ADAD1: variants seen among roughly 807,000 people sequenced by gnomAD.
The protein encoded by ADAD1 is adenosine deaminase domain-containing protein 1.
ADAD1 carries 46 observed loss-of-function variants against 66.8 expected under a neutral mutation model. That is an observed-to-expected ratio of 0.69 (90% CI 0.54 to 0.88). The LOEUF (loss-of-function observed/expected upper bound fraction) is 0.88. Among genes scored for constraint, ADAD1 ranks in the 40% least tolerant of loss-of-function variants. ADAD1 has a pLI of 0.00. For synonymous variants in ADAD1, 248 were observed against 229.4 expected (o/e 1.08, Z -0.73); for missense variants, 617 against 681.8 (o/e 0.91, Z 1.06).
At position 122,393,611 on chromosome 4, in the gene ADAD1, A is replaced by T. The variant is rs768759198; in HGVS notation, c.552A>T (p.Glu184Asp). ...ETSGPPPFPA[E>D]PVVLSELAYV... ...CAGGTCCTCCTCCTTTCCCTGCAGA[A>T]CCTGTTGTTTTATCTGAACTAGCAT... Residue 184 changes from glutamate to aspartate, a missense_variant, in exon 6 of 13, where the codon GAA becomes GAT. Physicochemically the swap from Glu to Asp is conservative, Grantham distance 45. Transcript: ENST00000296513. 4 of 1,601,128 alleles carry T rather than the reference A, an allele frequency of 2.5e-6. No homozygotes were observed. The highest frequency in any genetic ancestry group is 3.4e-6 in the Non-Finnish European group (4 of 1,175,112).
intron 11 of ADAD1, among the ~76,000 whole-genome samples, chr4:122,421,009 A>G (rs1796977482): frequency 6.6e-6 from 1 of 152,216 alleles, no homozygotes; most frequent in African/African-American, 2.4e-5. Flanking sequence ...TTTGCTTCAT[A>G]CAATAGAAAT....
Position 122,380,892 on chromosome 4 carries a change from T to C in ADAD1, c.173-100T>C, listed in dbSNP as rs890535589. 4.7e-6 allele frequency: 5 copies of C among 1,069,978 alleles called. No homozygotes were observed. In the East Asian group the frequency reaches 1.1e-4, roughly 23 times the overall value. The allele number at this position is 1,069,978 out of a possible 1,614,324, so 66.3% of individuals were successfully genotyped here. ...CTTAAGAAAAACATATGATGAAGTG[T>C]ATCTGGGACAACCTTCCATTTCGGG... On this transcript the variant is annotated intron_variant, in intron 3 of 12. Transcript: ENST00000296513.
At position 122,388,377 on chromosome 4, in the gene ADAD1, T is replaced by G. The variant is rs556651914; in HGVS notation, c.529+4411T>G. Among the ~76,000 whole-genome samples, 9 of 152,340 alleles carry G rather than the reference T, an allele frequency of 5.9e-5. No homozygotes were observed. In the East Asian group the frequency reaches 1.7e-3, roughly 29 times the overall value. ...GTTTTAGTATCAGGATGATGCTGGC[T>G]TCATAAAATGAGTTAGGGAGGAGTC... On this transcript the variant is annotated intron_variant, in intron 5 of 12. Transcript: ENST00000296513.
intron 7 of ADAD1, among the ~76,000 whole-genome samples, chr4:122,404,605 A>G (rs62321745): frequency 0.049 from 7,480 of 152,064 alleles, 259 homozygotes; most frequent in Non-Finnish European, 0.074. Context: ...TTTTCCTGGT[A>G]TGTTCCTGCA....
At chr4:122,388,903 C>A (rs372562009) in intron 5 of ADAD1, among the ~76,000 whole-genome samples, 1 of 152,044 alleles carries the variant, frequency 6.6e-6, no homozygotes, top group Non-Finnish European at 1.5e-5. Flanking sequence ...TTCTTGTCTT[C>A]TGCTAGCTTT....
At chr4:122,395,128 G>C (rs1233243402) in intron 6 of ADAD1, among the ~76,000 whole-genome samples, 1 of 151,982 alleles carries the variant, frequency 6.6e-6, no homozygotes, top group Non-Finnish European at 1.5e-5. Context: ...TCAGCTCACT[G>C]CAACCTCTGC....
intron 12 of ADAD1, among the ~76,000 whole-genome samples, chr4:122,427,523 C>CTTTTTTT (rs59864757): frequency 8.3e-5 from 6 of 71,980 alleles, no homozygotes; most frequent in Non-Finnish European, 1.2e-4. Flanking sequence ...ATCCAAAGGC[C>CTTTTTTT]TTTTTTTTTT....
At chr4:122,429,491 AT>A in intron 12 of ADAD1, 134 bp from the exon 13 acceptor site, 1 of 550,958 alleles carries the variant, frequency 1.8e-6, no homozygotes, top group South Asian at 3.2e-5. Context: ...AGCTTCAAAA[AT>A]ATTAAAATAT....
chr4:122,416,648 A>C (rs1796748635), intron 11 of ADAD1, among the ~76,000 whole-genome samples: 1 of 151,954 alleles, frequency 6.6e-6, no homozygotes, highest in African/African-American at 2.4e-5. Flanking sequence ...CAGGAGGATC[A>C]CTTGAACCTA....
intron 5 of ADAD1, among the ~76,000 whole-genome samples, chr4:122,385,973 C>T (rs1280732229): frequency 2.6e-5 from 4 of 152,012 alleles, no homozygotes; most frequent in African/African-American, 7.2e-5. Context: ...TCCATGTCTT[C>T]GCTATTGTAA....
chr4:122,408,563 A>T (rs1796325468), intron 8 of ADAD1, among the ~76,000 whole-genome samples: 1 of 152,126 alleles, frequency 6.6e-6, no homozygotes. Context: ...GGGGTGAGCC[A>T]CCGCACCCGG....
intron 4 of ADAD1, 86 bp downstream of exon 4, chr4:122,381,266 T>A (rs536658295): frequency 7.6e-7 from 1 of 1,315,614 alleles, no homozygotes; most frequent in Non-Finnish European, 1.0e-6. Context: ...TCTTCTAATA[T>A]TGGAGTTAGG....
chr4:122,413,058 G>A (rs1796540781), intron 10 of ADAD1, among the ~76,000 whole-genome samples: 1 of 152,044 alleles, frequency 6.6e-6, no homozygotes, highest in African/African-American at 2.4e-5. Flanking sequence ...CCGTCCAGCT[G>A]GATAAGGAAA....
In ADAD1 at chr4:122,423,416, G is replaced by A. The variant is rs74952301; in HGVS notation, c.1617+2026G>A. Among the ~76,000 whole-genome samples the A allele has an allele frequency of 4.0e-3, 611 of 152,290 alleles. 3 individuals carry two copies. Among genetic ancestry groups the A allele is most frequent in the Non-Finnish European group, 6.6e-3 (449 of 68,018 alleles). On this transcript the variant is annotated intron_variant, in intron 12 of 12. Coordinates refer to ENST00000296513, the MANE Select transcript of ADAD1 (RefSeq NM_139243.4). Reference sequence around the variant, plus strand: ...TGGCTGACTGAAAAACTACACTCATGTGCAGGGAATACCCAAGAGAGCCCA... The same window carrying A: ...TGGCTGACTGAAAAACTACACTCATATGCAGGGAATACCCAAGAGAGCCCA...
chr4:122,411,069 A>G (rs918267851), intron 8 of ADAD1, among the ~76,000 whole-genome samples, 153 bp from the exon 9 acceptor site: 11 of 152,230 alleles, frequency 7.2e-5, no homozygotes, highest in Non-Finnish European at 1.5e-4. Context: ...TTAATTTTTC[A>G]TTAAATAAAG....
chr4:122,399,606 C>T (rs987510796), intron 7 of ADAD1, among the ~76,000 whole-genome samples: 2 of 151,948 alleles, frequency 1.3e-5, no homozygotes, highest in Non-Finnish European at 2.9e-5. Context: ...TTGATGCTAC[C>T]CATCTTTGAG....
intron 5 of ADAD1, among the ~76,000 whole-genome samples, chr4:122,386,347 T>C (rs1580739343): frequency 1.3e-5 from 2 of 152,372 alleles, no homozygotes; most frequent in East Asian, 3.9e-4. Context: ...ATGTCTTCTT[T>C]TGAGAAGTGT....
At chr4:122,422,127 T>C (rs1269681494) in intron 12 of ADAD1, among the ~76,000 whole-genome samples, 2 of 146,064 alleles carry the variant, frequency 1.4e-5, no homozygotes, top group East Asian at 2.0e-4. Flanking sequence ...CATCCTTTTT[T>C]TTTTTTTTTT....
intron 7 of ADAD1, among the ~76,000 whole-genome samples, chr4:122,396,959 AT>A (rs1335826868): frequency 6.6e-6 from 1 of 152,244 alleles, no homozygotes; most frequent in East Asian, 1.9e-4. Context: ...CTTGTTTTCC[AT>A]AATGCAAAAA....
Sources: allele counts gnomAD v4.1 joint callset (sites outside exome capture counted in the v4.1 genomes callset), GRCh38; gene constraint gnomAD v4.1.1; transcripts MANE v1.5; gene names NCBI Gene and HGNC (gene_info 2026-07-23, HGNC 2026-07-21).